The following TET3 variants were observed in gnomAD, a reference collection of about 807,000 sequenced individuals.
The protein encoded by TET3 is tet methylcytosine dioxygenase 3.
In TET3, 19 loss-of-function variants were observed where a neutral mutation model predicts 141.4. The observed-to-expected ratio is 0.13, with a 90% CI of 0.09 to 0.20. TET3 has a LOEUF of 0.20. Among genes scored for constraint, TET3 ranks in the 10% least tolerant of loss-of-function variants. TET3 has a pLI of 1.00. For missense variants in TET3, 1,874 were observed against 2,356.9 expected (o/e 0.80, Z 4.24); for synonymous variants, 1,043 against 980.9 (o/e 1.06, Z -1.18).
intron 3 of TET3, among the ~76,000 whole-genome samples, chr2:74,022,863 A>G (rs1019485824): frequency 2.0e-5 from 3 of 151,414 alleles, no homozygotes; most frequent in African/African-American, 4.9e-5. Flanking sequence ...CGCAACCTCC[A>G]CCTCCCAGTT....
rs531982919 is a variant in TET3, at chr2:74,093,600, G to T, written c.3201G>T (p.Thr1067=). 19 of 1,613,510 alleles carry T rather than the reference G, an allele frequency of 1.2e-5. No individual in the cohort carries two copies. Among genetic ancestry groups the T allele is most frequent in the African/African-American group, 1.3e-5 (1 of 74,896 alleles). The change falls in exon 10 of 12, where the codon ACG becomes ACT. Residue 1067 remains threonine (T), a synonymous_variant. Coordinates refer to ENST00000409262, the MANE Select transcript of TET3 (RefSeq NM_001287491.2). This position sits in a 1 kb window ranked among gnomAD's most constrained non-coding sequence, Gnocchi z 4.2. The part of the protein sequence containing the change: ...LKEGRPFAGV[T]ACMDFCAHAH... ...AAGGACGGCCCTTCGCGGGGGTCAC[G>T]GCCTGCATGGACTTCTGTGCCCACG...
At chr2:74,126,136 A>G in the TET3 span, among the ~76,000 whole-genome samples, 276 of 152,260 alleles carry the variant, frequency 1.8e-3, 1 homozygote, top group African/African-American at 6.5e-3. Flanking sequence ...TTAACCTATC[A>G]TGTCTATTTG....
chr2:74,084,939 A>G (rs1690039199), intron 6 of TET3, among the ~76,000 whole-genome samples: 1 of 152,146 alleles, frequency 6.6e-6, no homozygotes, highest in African/African-American at 2.4e-5. Context: ...GGTCTCAAAA[A>G]AAAAGAGAAA....
chr2:74,036,529 C>T (rs1400778306), intron 3 of TET3, among the ~76,000 whole-genome samples: 1 of 152,188 alleles, frequency 6.6e-6, no homozygotes, highest in African/African-American at 2.4e-5. Flanking sequence ...TTTACTTTTA[C>T]ATTTCCAGTG....
chr2:74,061,360 G>A (rs1474128097), intron 4 of TET3, among the ~76,000 whole-genome samples: 3 of 139,846 alleles, frequency 2.1e-5, no homozygotes, highest in Admixed American at 1.4e-4. Context: ...GCGGCTGGCC[G>A]GGTGGGGGGC....
chr2:74,003,451 C>T (rs1219997032), intron 3 of TET3, among the ~76,000 whole-genome samples: 2 of 135,788 alleles, frequency 1.5e-5, no homozygotes, highest in African/African-American at 5.7e-5. Context: ...CTTTTTAAGA[C>T]ATGCAACCCA....
intron 6 of TET3, among the ~76,000 whole-genome samples, chr2:74,084,628 A>G (rs1185033839): frequency 2.0e-5 from 3 of 151,754 alleles, no homozygotes; most frequent in Non-Finnish European, 4.4e-5. Context: ...AATTTTTTGT[A>G]TTTTTTAGTA....
chr2:74,036,209 A>T (rs1021640289), intron 3 of TET3, among the ~76,000 whole-genome samples: 1 of 152,238 alleles, frequency 6.6e-6, no homozygotes, highest in Non-Finnish European at 1.5e-5. Flanking sequence ...CAGAGAGATT[A>T]GCTAACTTGC....
downstream of TET3, among the ~76,000 whole-genome samples, chr2:74,109,200 C>T (rs758315383): frequency 1.2e-4 from 19 of 152,184 alleles, no homozygotes; most frequent in Non-Finnish European, 2.2e-4. Context: ...TCAGCTGGGG[C>T]TGGTTTCACT....
At chr2:74,043,373 C>T (rs1687446886) in intron 3 of TET3, among the ~76,000 whole-genome samples, 1 of 152,182 alleles carries the variant, frequency 6.6e-6, no homozygotes, top group South Asian at 2.1e-4. Context: ...AGTGTTACTG[C>T]TCCAGCTGTG....
chr2:74,024,211 G>C lies in TET3; in HGVS notation c.360+21045G>C, dbSNP rs568942680. Among the ~76,000 whole-genome samples the C allele has an allele frequency of 3.9e-5, 6 of 152,298 alleles. No homozygotes were observed. In the East Asian group the frequency reaches 1.2e-3, roughly 29 times the overall value. ...CCTTTCAGTTAGCAAGGGCTTGAAGGCTGCCTTCCCAGGGCCCTACTCGTT... is the reference window on the plus strand; with the variant it reads ...CCTTTCAGTTAGCAAGGGCTTGAAGCCTGCCTTCCCAGGGCCCTACTCGTT... On this transcript the variant is annotated intron_variant, in intron 3 of 11. Transcript: ENST00000409262.
intron 10 of TET3, among the ~76,000 whole-genome samples, chr2:74,097,492 C>T (rs1182772599): frequency 6.6e-6 from 1 of 152,016 alleles, no homozygotes; most frequent in Non-Finnish European, 1.5e-5. Context: ...ACATGCAGAC[C>T]TGGATAATTG....
intron 3 of TET3, among the ~76,000 whole-genome samples, chr2:74,026,297 G>A (rs762018915): frequency 7.9e-5 from 12 of 152,178 alleles, no homozygotes; most frequent in Non-Finnish European, 1.3e-4. Flanking sequence ...GTAGGGCCCA[G>A]CCGCTGCTTT....
Position 74,100,529 on chromosome 2 carries a change from G to A in TET3, c.3741G>A (p.Arg1247=), listed in dbSNP as rs371707995. Residue 1247 remains arginine (R), a synonymous_variant, in exon 12 of 12, where the codon CGG becomes CGA. Transcript: ENST00000409262. The stretch of plus-strand genomic sequence containing the variant: ...GCTACTCGGTGCTGGGCAACTGCCG[G>A]CCCTCCGACCCTTACAGCATGAACA... ...VESYSVLGNC[R]PSDPYSMNSV... 6.9e-5 allele frequency: 111 copies of A among 1,610,482 alleles called. No homozygotes were observed. The highest frequency in any genetic ancestry group is 7.8e-5 in the Non-Finnish European group (92 of 1,178,464).
chr2:74,003,005 C>T (rs1417843229), intron 2 of TET3, 105 bp from the exon 3 acceptor site: 17 of 1,222,054 alleles, frequency 1.4e-5, no homozygotes, highest in Non-Finnish European at 1.9e-5. Flanking sequence ...TATCCCCTCC[C>T]GTTCGCCTTC....
At chr2:74,060,746 C>T (rs1473863266) in intron 4 of TET3, among the ~76,000 whole-genome samples, 1 of 152,168 alleles carries the variant, frequency 6.6e-6, no homozygotes, top group Non-Finnish European at 1.5e-5. Flanking sequence ...ATGCTGCCTT[C>T]AAGCATCTGT....
chr2:74,022,033 A>G (rs1290344950), intron 3 of TET3, among the ~76,000 whole-genome samples: 1 of 151,446 alleles, frequency 6.6e-6, no homozygotes, highest in Non-Finnish European at 1.5e-5. Context: ...GAAAAATAAA[A>G]AAGTCCATAA....
At chr2:74,045,118 C>T (rs1337417248) in intron 3 of TET3, among the ~76,000 whole-genome samples, 1 of 152,198 alleles carries the variant, frequency 6.6e-6, no homozygotes, top group Non-Finnish European at 1.5e-5. Context: ...TCAGGTTATA[C>T]ATTTTGGCAG....
intron 11 of TET3, 82 bp from the exon 12 acceptor site, chr2:74,100,311 T>G: frequency 1.4e-6 from 2 of 1,383,848 alleles, no homozygotes; most frequent in Non-Finnish European, 2.0e-6. Flanking sequence ...AGAGGGAGGG[T>G]CCATCCCCAG....
Sources: gnomAD v4.1 joint callset for allele counts (sites outside exome capture counted in the v4.1 genomes callset) on GRCh38, gnomAD v4.1.1 for gene constraint, Gnocchi (gnomAD v3.1) non-coding constraint, MANE v1.5 for transcripts, NCBI Gene and HGNC (gene_info 2026-07-23, HGNC 2026-07-21) for gene names.